MTMR12: variants seen among roughly 807,000 people sequenced by gnomAD.
MTMR12 encodes myotubularin-related protein 12.
Under a neutral mutation model 96.7 loss-of-function variants are expected in MTMR12, and 33 were observed. The ratio of observed to expected loss-of-function variants is 0.34; its 90% CI spans 0.26 to 0.46. The LOEUF (loss-of-function observed/expected upper bound fraction) is 0.46, where lower values mean the gene tolerates loss of function less well. MTMR12 is among the 20% of genes least tolerant of loss of function. The probability of loss-of-function intolerance (pLI) is 1.00; values close to 1 mark genes in which losing one functional copy is unlikely to be tolerated. For synonymous variants in MTMR12, 298 were observed against 327.2 expected, an observed-to-expected ratio of 0.91 and a Z score of 0.96; for missense variants, 721 against 896.1, an observed-to-expected ratio of 0.80 and a Z score of 2.49.
chr5:32,298,893 C>T (rs1751024132), intron 1 of MTMR12, among the ~76,000 whole-genome samples: 1 of 147,426 alleles, frequency 6.8e-6, no homozygotes, highest in East Asian at 2.0e-4. Context: ...GCGGAGCTTG[C>T]AGTGAGCCGA....
At chr5:32,242,959 C>T (rs576334090) in intron 11 of MTMR12, among the ~76,000 whole-genome samples, 1 of 152,202 alleles carries the variant, frequency 6.6e-6, no homozygotes, top group African/African-American at 2.4e-5. Context: ...AGCATTAGAG[C>T]TACTCTGTCA....
At chr5:32,259,979 T>C (rs1394523534) in intron 7 of MTMR12, among the ~76,000 whole-genome samples, 1 of 136,596 alleles carries the variant, frequency 7.3e-6, no homozygotes, top group Non-Finnish European at 1.5e-5. Flanking sequence ...GAGGTTGCAG[T>C]GAGCCGAGAT....
chr5:32,268,617 A>G (rs1749701162), intron 6 of MTMR12, 84 bp downstream of exon 6: 1 of 1,143,602 alleles, frequency 8.7e-7, no homozygotes, highest in Admixed American at 1.8e-5. Flanking sequence ...AAAACAACCC[A>G]TAGATGTGTT....
chr5:32,233,669 C>T lies in MTMR12; in HGVS notation c.1674+104G>A, dbSNP rs533221218. The T allele has an allele frequency of 1.3e-5, 19 of 1,493,266 alleles. No individual in the cohort carries two copies. The highest frequency in any genetic ancestry group is 1.1e-4 in the African/African-American group (8 of 72,592). The allele number at this position is 1,493,266 out of a possible 1,614,324, so 92.5% of individuals were successfully genotyped here. The stretch of plus-strand genomic sequence containing the variant: ...CAAGTCTCAACTCTGCAGACTGCTT[C>T]GAGGGGTAGAAAATGCTGGCAGACA... On this transcript the variant is annotated intron_variant, in intron 15 of 15. Transcript: ENST00000382142. This position sits in a 1 kb window ranked among gnomAD's most constrained non-coding sequence, Gnocchi z 5.0.
At chr5:32,303,512 C>T (rs764634834) in intron 1 of MTMR12, among the ~76,000 whole-genome samples, 9 of 152,152 alleles carry the variant, frequency 5.9e-5, no homozygotes, top group Non-Finnish European at 1.0e-4. Context: ...AATCCTGCCT[C>T]CCAATCTCAA....
intron 1 of MTMR12, among the ~76,000 whole-genome samples, chr5:32,287,358 G>GC (rs1750576171): frequency 6.6e-6 from 1 of 152,140 alleles, no homozygotes; most frequent in Non-Finnish European, 1.5e-5. Context: ...GGTGAGACTG[G>GC]CCTAGCCTCG....
Position 32,239,055 on chromosome 5 carries a change from A to C in MTMR12, c.1290T>G (p.Gly430=), listed in dbSNP as rs889738189. The change falls in exon 13 of 16, where the codon GGT becomes GGG. Residue 430 remains glycine (G), a synonymous_variant. Transcript: ENST00000382142. ...TGCAGCGATCCAAGAAACAGTGGCC[A>C]CCCATGACCCACTCCTTTTGGATGA... is the stretch of plus-strand genomic sequence containing the variant. ...QSLIQKEWVM[G]GHCFLDRCNH... is the part of the protein sequence containing the mutation. 11 of 1,609,068 alleles carry C rather than the reference A, an allele frequency of 6.8e-6. No homozygotes were observed. The highest frequency in any genetic ancestry group is 9.3e-6 in the Non-Finnish European group (11 of 1,177,576).
At chr5:32,246,517 A>G (rs923255569) in intron 10 of MTMR12, among the ~76,000 whole-genome samples, 3 of 152,126 alleles carry the variant, frequency 2.0e-5, no homozygotes, top group African/African-American at 7.2e-5. Flanking sequence ...GAACCAACTG[A>G]GATGTCTATG....
chr5:32,268,625 G>T, intron 6 of MTMR12, 76 bp downstream of exon 6: 1 of 1,241,920 alleles, frequency 8.1e-7, no homozygotes, highest in Non-Finnish European at 1.2e-6. Context: ...CCATAGATGT[G>T]TTCTCCCCCA....
chr5:32,273,991 A>G lies in MTMR12; in HGVS notation c.274T>C (p.Leu92=), dbSNP rs1749947361. 6.2e-7 allele frequency: 1 copy of G among 1,614,192 alleles called. No homozygotes were observed. Among genetic ancestry groups the G allele is most frequent in the African/African-American group, 1.3e-5 (1 of 75,054 alleles). The stretch of plus-strand genomic sequence containing the variant: ...CAGCCCATACATACATCATTATCCA[A>G]TGCAGATTCATCATCACCCAAGAAG... ...IAFLGDDESA[L]DNDETQFKNK... is the part of the protein sequence containing the mutation. Residue 92 remains leucine, a synonymous_variant, in exon 3 of 16, where the codon TTG becomes CTG. Coordinates refer to ENST00000382142, the MANE Select transcript of MTMR12 (RefSeq NM_001040446.3).
chr5:32,300,393 G>C (rs987033436), intron 1 of MTMR12, among the ~76,000 whole-genome samples: 3 of 152,134 alleles, frequency 2.0e-5, no homozygotes, highest in African/African-American at 7.2e-5. Context: ...CCACCAAGTG[G>C]CTGAGCCTGG....
chr5:32,292,813 T>C (rs1750783013), intron 1 of MTMR12, among the ~76,000 whole-genome samples: 1 of 152,200 alleles, frequency 6.6e-6, no homozygotes, highest in South Asian at 2.1e-4. Flanking sequence ...GAATACAGAA[T>C]AAGTAGTAGA....
chr5:32,291,233 G>T (rs561101091), intron 1 of MTMR12, among the ~76,000 whole-genome samples: 71 of 152,332 alleles, frequency 4.7e-4, no homozygotes, highest in African/African-American at 1.5e-3. Context: ...ACCACCAAAA[G>T]TGGACAGCTG....
intron 4 of MTMR12, 127 bp downstream of exon 4, chr5:32,271,706 C>G: frequency 1.9e-6 from 1 of 513,044 alleles, no homozygotes; most frequent in Non-Finnish European, 3.2e-6. Context: ...ATCTATAAAA[C>G]AGATTTAAAC....
intron 1 of MTMR12, among the ~76,000 whole-genome samples, chr5:32,308,534 C>T (rs141456790): frequency 2.3e-3 from 346 of 152,134 alleles, no homozygotes; most frequent in African/African-American, 8.1e-3. Context: ...CTGCATTTCC[C>T]GTAATATGAT....
Position 32,233,998 on chromosome 5 carries a change from T to C in MTMR12, c.1513-64A>G. The C allele has an allele frequency of 6.3e-7, 1 of 1,587,438 alleles. No homozygotes were observed. Among genetic ancestry groups the C allele is most frequent in the South Asian group, 1.1e-5 (1 of 89,662 alleles). On this transcript the variant is annotated intron_variant, in intron 14 of 15. Coordinates refer to ENST00000382142, the MANE Select transcript of MTMR12 (RefSeq NM_001040446.3). This position sits in a 1 kb window ranked among gnomAD's most constrained non-coding sequence, Gnocchi z 5.0. ...GGGCTGAGGAAGGCAAACACATACT[T>C]CTGGACACAGGCACCAGGAAGCATG...
At chr5:32,275,766 A>G (rs1341737556) in intron 2 of MTMR12, among the ~76,000 whole-genome samples, 1 of 152,206 alleles carries the variant, frequency 6.6e-6, no homozygotes, top group Non-Finnish European at 1.5e-5. Context: ...TGAATCTATA[A>G]CACCAAGAAG....
chr5:32,233,950 C>G lies in MTMR12; in HGVS notation c.1513-16G>C. 4 of 1,614,046 alleles carry G rather than the reference C, an allele frequency of 2.5e-6. No individual in the cohort carries two copies. Among genetic ancestry groups the G allele is most frequent in the Non-Finnish European group, 3.4e-6 (4 of 1,179,954 alleles). Reference sequence around the variant, plus strand: ...CTTCTCTACCCTGCCAAAACAAGCACAGGTCATGCTGTTTTCCAGGGAGGG... The same window carrying G: ...CTTCTCTACCCTGCCAAAACAAGCAGAGGTCATGCTGTTTTCCAGGGAGGG... On this transcript the variant is annotated splice_polypyrimidine_tract_variant and intron_variant, in intron 14 of 15. Transcript: ENST00000382142. The surrounding 1 kb of genome is among the most constrained non-coding windows in gnomAD (Gnocchi z 5.0).
At chr5:32,311,135 G>A (rs1248565296) in intron 1 of MTMR12, among the ~76,000 whole-genome samples, 2 of 152,146 alleles carry the variant, frequency 1.3e-5, no homozygotes, top group Non-Finnish European at 2.9e-5. Context: ...GGGATTACAG[G>A]TGTCAGCCAC....
Sources: allele counts gnomAD v4.1 joint callset (sites outside exome capture counted in the v4.1 genomes callset), GRCh38; gene constraint gnomAD v4.1.1; non-coding constraint Gnocchi (gnomAD v3.1); transcripts MANE v1.5; gene names NCBI Gene and HGNC (gene_info 2026-07-23, HGNC 2026-07-21).